Variants in MPG observed in about 807,000 individuals in gnomAD.
MPG encodes the protein DNA-3-methyladenine glycosylase.
Under a neutral mutation model 31.7 loss-of-function variants are expected in MPG, and 33 were observed. That is an observed-to-expected ratio of 1.04 (90% CI 0.79 to 1.39). The LOEUF is 1.39. MPG is among the 40% of genes most tolerant of loss of function. MPG has a pLI of 0.00. For missense variants in MPG, 455 were observed against 415.5 expected (o/e 1.10, Z -0.83); for synonymous variants, 202 against 169.2 (o/e 1.19, Z -1.51).
intron 3 of MPG, 53 bp from the exon 4 acceptor site, chr16:85,348 C>A: frequency 6.5e-7 from 1 of 1,533,430 alleles, no homozygotes; most frequent in African/African-American, 1.4e-5. Flanking sequence ...TGTACTAGGG[C>A]AGAGAGGACA....
At chr16:81,688 T>G (rs1898242401) in intron 2 of MPG, among the ~76,000 whole-genome samples, 1 of 124,150 alleles carries the variant, frequency 8.1e-6, no homozygotes, top group Non-Finnish European at 1.6e-5. Flanking sequence ...CTCCCCACAC[T>G]GACCCCTTCT....
chr16:78,218 C>A (rs1898141869), upstream of MPG: 4 of 1,205,094 alleles, frequency 3.3e-6, no homozygotes, highest in African/African-American at 6.4e-5. Flanking sequence ...AGGCGCCGCT[C>A]CGCCCCGGTC....
In MPG at chr16:78,329, C is replaced by A; in HGVS notation, c.20C>A (p.Ala7Asp). ...CGCCGGATGCCCGCGCGCAGCGGGG[C>A]CCAGGTGAGCGCGCGCCTCGGCCGC... is the stretch of plus-strand genomic sequence containing the variant. Reference protein sequence around the residue: MPARSGAQFCRRMGQKK... With the variant: MPARSGDQFCRRMGQKK... The change falls in exon 1 of 4, where the codon GCC becomes GAC. Residue 7 changes from alanine (A) to aspartate (D), a missense_variant. By Grantham distance (126) the Ala-to-Asp change is moderately radical. Coordinates refer to ENST00000356432, the MANE Select transcript of MPG (RefSeq NM_001015052.3). 2.3e-6 allele frequency: 3 copies of A among 1,278,658 alleles called. No homozygotes were observed. Among genetic ancestry groups the A allele is most frequent in the Non-Finnish European group, 3.0e-6 (3 of 1,012,368 alleles). 79.2% of individuals were successfully genotyped at this position (1,278,658 alleles called of 1,614,324 possible). A position where few individuals can be genotyped will look rare whatever the true frequency, so the allele number is the denominator to read the frequency against.
At chr16:85,320 G>A in intron 3 of MPG, 81 bp from the exon 4 acceptor site, 2 of 1,479,206 alleles carry the variant, frequency 1.4e-6, no homozygotes, top group East Asian at 2.3e-5. Context: ...CCTCCCTGCA[G>A]CACAGGATGT....
At chr16:78,090 C>A (rs1273405724), upstream of MPG, 2 of 333,152 alleles carry the variant, frequency 6.0e-6, no homozygotes, top group South Asian at 1.0e-4. Context: ...TCGGTCCGGA[C>A]CTGGCGGTGG....
chr16:85,348 C>CA, intron 3 of MPG, 53 bp from the exon 4 acceptor site: 1 of 1,533,436 alleles, frequency 6.5e-7, no homozygotes, highest in Non-Finnish European at 8.7e-7. Flanking sequence ...TGTACTAGGG[C>CA]AGAGAGGACA....
Position 81,205 on chromosome 16 carries a change from C to T in MPG, c.300+1505C>T, listed in dbSNP as rs1206305303. 3.9e-5 allele frequency among the ~76,000 whole-genome samples: 6 copies of T among 152,178 alleles called. No homozygotes were observed. In the East Asian group the frequency reaches 1.2e-3, roughly 29 times the overall value. On this transcript the variant is annotated intron_variant, in intron 2 of 3. Coordinates refer to ENST00000356432, the MANE Select transcript of MPG (RefSeq NM_001015052.3). Reference sequence around the variant, plus strand: ...GTGTGGTCTCCCCCAGGAGGCTCTGCCAACAAGGAAGAGGGGTGTGTGTTG... The same window carrying T: ...GTGTGGTCTCCCCCAGGAGGCTCTGTCAACAAGGAAGAGGGGTGTGTGTTG...
chr16:77,090 G>C (rs1429134135), upstream of MPG: 1 of 152,272 alleles, frequency 6.6e-6, no homozygotes, highest in Non-Finnish European at 1.5e-5. Flanking sequence ...CACCTGACGC[G>C]GCCAGGTGCC....
intron 1 of MPG, 60 bp downstream of exon 1, chr16:78,393 G>T: frequency 1.7e-6 from 2 of 1,171,936 alleles, no homozygotes; most frequent in Non-Finnish European, 2.1e-6. Flanking sequence ...GCGCAGCAGC[G>T]AGCGCGGCCG....
At chr16:83,293 G>A in intron 3 of MPG, 37 bp downstream of exon 3, 2 of 1,579,030 alleles carry the variant, frequency 1.3e-6, no homozygotes, top group Non-Finnish European at 8.7e-7. Context: ...TGGAGGGCCG[G>A]CAGAGCCCTG....
intron 2 of MPG, among the ~76,000 whole-genome samples, chr16:80,216 C>G (rs770952841): frequency 6.6e-6 from 1 of 152,198 alleles, no homozygotes; most frequent in African/African-American, 2.4e-5. Flanking sequence ...CCTGTCCCCA[C>G]GAGCAGATGC....
At chr16:82,737 C>G (rs904731618) in intron 2 of MPG, among the ~76,000 whole-genome samples, 21 of 152,190 alleles carry the variant, frequency 1.4e-4, no homozygotes, top group African/African-American at 4.8e-4. Flanking sequence ...ATGGAGGGTC[C>G]TGCTGAGAGG....
rs532536553 is a variant in MPG at position 83,234 on chromosome 16, C to G, written c.483C>G (p.Phe161Leu). 9.6e-5 allele frequency: 155 copies of G among 1,612,484 alleles called. 5 individuals carry two copies. In the South Asian group the frequency reaches 1.7e-3, roughly 17 times the overall value. The change falls in exon 3 of 4, where the codon TTC becomes TTG. Residue 161 changes from phenylalanine (F) to leucine (L), a missense_variant. By Grantham distance (22) the Phe-to-Leu change is conservative. Coordinates refer to ENST00000356432, the MANE Select transcript of MPG (RefSeq NM_001015052.3). The stretch of plus-strand genomic sequence containing the variant: ...TGTACATCATTTACGGCATGTACTT[C>G]TGCATGAACATCTCCAGCCAGGGTG... ...LYVYIIYGMY[F>L]CMNISSQGDG...
In MPG at chr16:85,526, A is replaced by G; in HGVS notation, c.631A>G (p.Ser211Gly). The stretch of plus-strand genomic sequence containing the variant: ...TGTCCTCAAGGACCGCGAGCTCTGC[A>G]GTGGCCCCTCCAAGCTGTGCCAGGC... ...SRVLKDRELC[S>G]GPSKLCQALA... Residue 211 changes from serine to glycine, a missense_variant, in exon 4 of 4, where the codon AGT becomes GGT. Coordinates refer to ENST00000356432, the MANE Select transcript of MPG (RefSeq NM_001015052.3). The G allele has an allele frequency of 6.2e-7, 1 of 1,613,418 alleles. No individual in the cohort carries two copies. The highest frequency in any genetic ancestry group is 1.1e-5 in the South Asian group (1 of 91,086).
chr16:78,740 C>G (rs997512637), intron 1 of MPG, among the ~76,000 whole-genome samples: 8 of 152,246 alleles, frequency 5.3e-5, no homozygotes, highest in African/African-American at 1.9e-4. Flanking sequence ...ATCTTCCCTT[C>G]TCCTTTGCCC....
At chr16:83,402 T>C in intron 3 of MPG, 146 bp downstream of exon 3, 1 of 764,762 alleles carries the variant, frequency 1.3e-6, no homozygotes, top group Non-Finnish European at 2.1e-6. Flanking sequence ...TCGGGAGCTC[T>C]GGCTACGCTG....
chr16:79,779 C>A, intron 2 of MPG, 79 bp downstream of exon 2: 1 of 1,457,466 alleles, frequency 6.9e-7, no homozygotes, highest in Non-Finnish European at 9.2e-7. Context: ...CCGCTGCCTG[C>A]TGGATTGGCC....
chr16:84,050 A>C lies in MPG; in HGVS notation c.505+794A>C, dbSNP rs1898341588. Among the ~76,000 whole-genome samples the C allele has an allele frequency of 3.3e-5, 5 of 152,222 alleles. No individual in the cohort carries two copies. The South Asian group carries it at 1.0e-3, about 32-fold the overall frequency. Reference sequence around the variant, plus strand: ...TGGATGTGTTCTGTGTGAAGGAGCCAGGGCACGGGGCTGTGGTGATGAGGG... The same window carrying C: ...TGGATGTGTTCTGTGTGAAGGAGCCCGGGCACGGGGCTGTGGTGATGAGGG... On this transcript the variant is annotated intron_variant, in intron 3 of 3. Coordinates refer to ENST00000356432, the MANE Select transcript of MPG (RefSeq NM_001015052.3).
chr16:81,853 C>T (rs1478267250), intron 2 of MPG, among the ~76,000 whole-genome samples: 2 of 100,454 alleles, frequency 2.0e-5, no homozygotes, highest in Non-Finnish European at 4.1e-5. Flanking sequence ...TGAATGCTCC[C>T]GGCGCTGACC....
Sources: allele counts gnomAD v4.1 joint callset (sites outside exome capture counted in the v4.1 genomes callset), GRCh38; gene constraint gnomAD v4.1.1; transcripts MANE v1.5; gene names NCBI Gene and HGNC (gene_info 2026-07-23, HGNC 2026-07-21).